Variants in GABRG2 observed in about 807,000 individuals in gnomAD.
GABRG2 encodes the protein gamma-aminobutyric acid type A receptor subunit gamma2.
GABRG2 carries 16 observed loss-of-function variants against 56.4 expected under a neutral mutation model. That is an observed-to-expected ratio of 0.28 (90% CI 0.19 to 0.43). The LOEUF is 0.43. Among genes scored for constraint, GABRG2 ranks in the 20% least tolerant of loss-of-function variants. GABRG2 has a pLI of 1.00. For missense variants in GABRG2, 327 were observed against 582.7 expected (o/e 0.56, Z 4.52); for synonymous variants, 208 against 205.5 (o/e 1.01, Z -0.10).
intron 4 of GABRG2, chr5:162,100,499 C>T (rs1297755614): frequency 6.6e-6 from 1 of 152,098 alleles, no homozygotes; most frequent in Non-Finnish European, 1.5e-5. Flanking sequence ...AATCTTCTCC[C>T]TCCTGGAGTT....
chr5:162,131,087 C>A (rs954407951), intron 6 of GABRG2, among the ~76,000 whole-genome samples: 1 of 151,944 alleles, frequency 6.6e-6, no homozygotes, highest in African/African-American at 2.4e-5. Context: ...GGAATCTTTT[C>A]TTTCCAATAC....
chr5:162,142,504 G>A, intron 7 of GABRG2, 188 bp downstream of exon 7: 1 of 594,168 alleles, frequency 1.7e-6, no homozygotes, highest in South Asian at 1.8e-5. Context: ...CAACCCAAAT[G>A]TCCATCAATG....
At chr5:162,071,574 A>G (rs1395717929) in intron 1 of GABRG2, among the ~76,000 whole-genome samples, 1 of 151,874 alleles carries the variant, frequency 6.6e-6, no homozygotes, top group African/African-American at 2.4e-5. Context: ...GCTTTTGATG[A>G]TGTTTCTTAT....
Position 162,090,285 on chromosome 5 carries a change from C to T in GABRG2, c.108-3543C>T, listed in dbSNP as rs1353872843. ...ACGTACACGTACACGTACACTTACA[C>T]GTACATATACACATAGACATACACA... On this transcript the variant is annotated intron_variant, in intron 1 of 9. Transcript: ENST00000639213. 4.0e-5 allele frequency among the ~76,000 whole-genome samples: 6 copies of T among 151,284 alleles called. No homozygotes were observed. In the South Asian group the frequency reaches 1.0e-3, roughly 26 times the overall value.
chr5:162,120,050 A>G (rs977607348), intron 6 of GABRG2, among the ~76,000 whole-genome samples: 1 of 152,082 alleles, frequency 6.6e-6, no homozygotes, highest in African/African-American at 2.4e-5. Flanking sequence ...TGCAGCGTCC[A>G]TCTGCCAGCT....
chr5:162,078,046 C>A (rs1001117916), intron 1 of GABRG2, among the ~76,000 whole-genome samples: 1 of 151,882 alleles, frequency 6.6e-6, no homozygotes, highest in Admixed American at 6.6e-5. Context: ...GTGATACAGA[C>A]CTATCCTGAT....
intron 8 of GABRG2, chr5:162,149,796 T>C (rs551206125): frequency 6.8e-4 from 254 of 371,448 alleles, no homozygotes; most frequent in Non-Finnish European, 1.1e-3. Flanking sequence ...GTATTTTTAG[T>C]ACAGACGGGG....
intron 4 of GABRG2, chr5:162,098,207 A>G: frequency 3.7e-6 from 1 of 272,804 alleles, no homozygotes; most frequent in Non-Finnish European, 7.0e-6. Flanking sequence ...TTTCCAAGGA[A>G]ATAGTTGCTA....
At chr5:162,115,661 G>T in intron 6 of GABRG2, among the ~76,000 whole-genome samples, 1 of 152,062 alleles carries the variant, frequency 6.6e-6, no homozygotes, top group East Asian at 1.9e-4. Context: ...CTTTCAGAGA[G>T]GAAGGAAAAG....
chr5:162,116,288 A>C (rs1481582314), intron 6 of GABRG2, among the ~76,000 whole-genome samples: 1 of 151,794 alleles, frequency 6.6e-6, no homozygotes, highest in Non-Finnish European at 1.5e-5. Flanking sequence ...AGCTGATTGC[A>C]TATAAGTATG....
intron 6 of GABRG2, among the ~76,000 whole-genome samples, chr5:162,137,028 C>T (rs908820033): frequency 3.3e-5 from 5 of 152,108 alleles, no homozygotes; most frequent in Non-Finnish European, 5.9e-5. Context: ...GAATAAACAA[C>T]CCCGAGAATG....
At position 162,153,527 on chromosome 5, in the gene GABRG2, C is replaced by A; in HGVS notation, c.*159C>A. 1 of 895,604 alleles carries A rather than the reference C, an allele frequency of 1.1e-6. No individual in the cohort carries two copies. The highest frequency in any genetic ancestry group is 2.0e-5 in the Admixed American group (1 of 50,858). The allele number at this position is 895,604 out of a possible 1,614,324, so 55.5% of individuals were successfully genotyped here. ...ATTTTATAATGTCATATTGTTTGTG[C>A]CCAGCCCTCCTTTGGTTAGTGTACT... is the stretch of plus-strand genomic sequence containing the variant. On this transcript the variant is annotated 3_prime_UTR_variant, in exon 10 of 10. Coordinates refer to ENST00000639213, the MANE Select transcript of GABRG2 (RefSeq NM_198904.4).
chr5:162,107,263 A>C (rs1482377613), intron 6 of GABRG2, among the ~76,000 whole-genome samples: 1 of 152,212 alleles, frequency 6.6e-6, no homozygotes, highest in East Asian at 1.9e-4. Flanking sequence ...AGTTAATATA[A>C]GGACCATAAT....
At chr5:162,146,637 C>A (rs1764969119) in intron 7 of GABRG2, among the ~76,000 whole-genome samples, 1 of 151,156 alleles carries the variant, frequency 6.6e-6, no homozygotes, top group Non-Finnish European at 1.5e-5. Context: ...TGAGTCCCAG[C>A]ATGATGCTCC....
intron 1 of GABRG2, among the ~76,000 whole-genome samples, chr5:162,088,518 T>G (rs1163318312): frequency 1.3e-5 from 2 of 152,126 alleles, no homozygotes; most frequent in African/African-American, 4.8e-5. Flanking sequence ...CATTTGTATC[T>G]GCAGTGGCAA....
chr5:162,074,265 C>A (rs1290174219), intron 1 of GABRG2, among the ~76,000 whole-genome samples: 2 of 151,878 alleles, frequency 1.3e-5, no homozygotes, highest in Non-Finnish European at 2.9e-5. Context: ...TTATAAAAAT[C>A]ATTGTATAAC....
At position 162,085,951 on chromosome 5, in the gene GABRG2, G is replaced by A. The variant is rs577477451; in HGVS notation, c.108-7877G>A. 4.6e-4 allele frequency among the ~76,000 whole-genome samples: 69 copies of A among 150,466 alleles called. No individual in the cohort carries two copies. The East Asian group carries it at 0.011, about 24-fold the overall frequency. On this transcript the variant is annotated intron_variant, in intron 1 of 9. Coordinates refer to ENST00000639213, the MANE Select transcript of GABRG2 (RefSeq NM_198904.4). ...CTGCATACTATTCCATGGTGTATAC[G>A]TACCACATTTTTTTTTTTATCCAGT...
At chr5:162,139,359 A>G (rs770673525) in intron 6 of GABRG2, among the ~76,000 whole-genome samples, 5 of 152,080 alleles carry the variant, frequency 3.3e-5, no homozygotes, top group Non-Finnish European at 5.9e-5. Flanking sequence ...TTAGCCCAAG[A>G]GTTTTCAGGA....
intron 7 of GABRG2, among the ~76,000 whole-genome samples, chr5:162,143,812 G>C (rs1439658696): frequency 6.6e-6 from 1 of 152,122 alleles, no homozygotes; most frequent in East Asian, 1.9e-4. Context: ...CACATAAATA[G>C]TAAAGCCTCA....
Sources: allele counts gnomAD v4.1 joint callset (sites outside exome capture counted in the v4.1 genomes callset), GRCh38; gene constraint gnomAD v4.1.1; transcripts MANE v1.5; gene names NCBI Gene and HGNC (gene_info 2026-07-23, HGNC 2026-07-21).